MAST4: variants seen among roughly 807,000 people sequenced by gnomAD.
MAST4 encodes microtubule-associated serine/threonine-protein kinase 4.
A neutral mutation model predicts 162.7 loss-of-function variants in MAST4; 89 were observed. The observed-to-expected ratio is 0.55, with a 90% CI of 0.46 to 0.65. The LOEUF (loss-of-function observed/expected upper bound fraction) is 0.65, where lower values mean the gene tolerates loss of function less well. Ranked by LOEUF, MAST4 falls within the 30% of genes least tolerant of loss-of-function variation. The pLI, the probability that MAST4 is intolerant of heterozygous loss-of-function variation, is 0.00. For synonymous variants in MAST4, 1,479 were observed against 1,361.1 expected (o/e 1.09, Z -1.91); for missense variants, 3,153 against 3,374.0 (o/e 0.93, Z 1.62).
At chr5:67,147,544 A>T (rs1033684600) in intron 23 of MAST4, among the ~76,000 whole-genome samples, 1 of 152,212 alleles carries the variant, frequency 6.6e-6, no homozygotes, top group Non-Finnish European at 1.5e-5. Flanking sequence ...TTGTGTTTGA[A>T]GCCATGAAAA....
At chr5:67,100,664 G>A (rs1047849736) in intron 8 of MAST4, 72 bp downstream of exon 8, 35 of 1,557,336 alleles carry the variant, frequency 2.2e-5, no homozygotes, top group East Asian at 1.3e-4. Context: ...TGAACACTTC[G>A]GTCCTTTAGG....
At chr5:66,993,784 A>G (rs183852357) in intron 4 of MAST4, among the ~76,000 whole-genome samples, 1 of 152,338 alleles carries the variant, frequency 6.6e-6, no homozygotes, top group East Asian at 1.9e-4. Flanking sequence ...ATTATAGCAT[A>G]AAATATTCCA....
intron 1 of MAST4, among the ~76,000 whole-genome samples, chr5:66,671,964 G>A (rs1747638466): frequency 6.6e-6 from 1 of 152,064 alleles, no homozygotes; most frequent in African/African-American, 2.4e-5. Context: ...TCTTACATTG[G>A]CAAACTATAA....
chr5:67,115,007 C>G (rs1305821704), intron 12 of MAST4: 1 of 143,564 alleles, frequency 7.0e-6, no homozygotes, highest in Non-Finnish European at 1.5e-5. Context: ...GATCGCACCA[C>G]TGCACTCCAG....
chr5:66,766,517 T>C (rs1580401041), intron 2 of MAST4, among the ~76,000 whole-genome samples: 1 of 151,534 alleles, frequency 6.6e-6, no homozygotes, highest in East Asian at 1.9e-4. Flanking sequence ...CATTTTTTAG[T>C]GTTTTTTTTT....
intron 4 of MAST4, among the ~76,000 whole-genome samples, chr5:67,021,304 G>A (rs763280273): frequency 5.3e-5 from 8 of 152,118 alleles, no homozygotes; most frequent in Non-Finnish European, 1.0e-4. Context: ...CATGTTACAG[G>A]AATAGAATTT....
intron 3 of MAST4, among the ~76,000 whole-genome samples, chr5:66,865,585 A>G (rs1760453249): frequency 6.6e-6 from 1 of 152,212 alleles, no homozygotes. Context: ...CACATGTAGT[A>G]TATGTAATAG....
rs1773708392 is a variant in MAST4 at position 67,165,066 on chromosome 5, C to T, written c.5887C>T (p.Pro1963Ser). 1 of 1,602,056 alleles carries T rather than the reference C, an allele frequency of 6.2e-7. No homozygotes were observed. The highest frequency in any genetic ancestry group is 2.3e-5 in the East Asian group (1 of 44,152). ...CTGCCCGCTCCCACCTGAAGCTTCC[C>T]CCTCAAGGGAGAAGCCAGGCCTGAG... Reference protein sequence around the residue: ...PRCPLPPEASPSREKPGLRES... With the variant: ...PRCPLPPEASSSREKPGLRES... The change falls in exon 29 of 29, where the codon CCC (proline) becomes TCC (serine). Residue 1963 changes from proline (P) to serine (S), a missense_variant. Physicochemically the swap from Pro to Ser is moderately conservative, Grantham distance 74. Around this residue, in one of 7 missense-constraint regions of MAST4, gnomAD observed 1,644 missense variants for 1,495.0 expected, o/e 1.10. Transcript: ENST00000403625.
chr5:66,843,219 C>T (rs1468389114), intron 3 of MAST4, among the ~76,000 whole-genome samples: 1 of 152,194 alleles, frequency 6.6e-6, no homozygotes, highest in Admixed American at 6.5e-5. Context: ...TGTCAAAGCA[C>T]ATTTTCTTTG....
intron 1 of MAST4, among the ~76,000 whole-genome samples, chr5:66,744,499 G>A (rs1752642370): frequency 6.6e-6 from 1 of 152,198 alleles, no homozygotes; most frequent in Non-Finnish European, 1.5e-5. Flanking sequence ...ACCTGAGTGA[G>A]TAATTTATAA....
rs1423098231 is a variant in MAST4 at position 67,119,405 on chromosome 5, GAACC to G, written c.1659+658_1659+661del. 4.6e-5 allele frequency among the ~76,000 whole-genome samples: 7 copies of G among 152,244 alleles called. No homozygotes were observed. In the South Asian group the frequency reaches 8.3e-4, roughly 18 times the overall value. On this transcript the variant is annotated intron_variant, in intron 13 of 28. Transcript: ENST00000403625. ...TCCTCAATTGTGAACACCAAAAGAG[GAACC>G]AGGATGCATCAGAGTAGGGGTTAGG...
rs779542474 is a variant in MAST4 at position 67,149,512 on chromosome 5, G to C, written c.3218G>C (p.Ser1073Thr). ...ASHMARQRLE[S>T]TEKKKISGKV... Reference sequence around the variant, plus strand: ...CACATGGCTCGGCAGCGATTAGAAAGCACAGAAAAAAAGAAAATCTCGGGG... The same window carrying C: ...CACATGGCTCGGCAGCGATTAGAAACCACAGAAAAAAAGAAAATCTCGGGG... Residue 1073 changes from serine to threonine, a missense_variant, in exon 24 of 29, where the codon AGC becomes ACC. Transcript: ENST00000403625. 28 of 1,613,726 alleles carry C rather than the reference G, an allele frequency of 1.7e-5. No homozygotes were observed. Among genetic ancestry groups the C allele is most frequent in the Non-Finnish European group, 2.3e-5 (27 of 1,179,830 alleles).
intron 1 of MAST4, among the ~76,000 whole-genome samples, chr5:66,601,511 T>C (rs1331713578): frequency 6.6e-6 from 1 of 152,098 alleles, no homozygotes; most frequent in Non-Finnish European, 1.5e-5. Flanking sequence ...AGTCACTGAG[T>C]CTGGTGTTAA....
intron 1 of MAST4, among the ~76,000 whole-genome samples, chr5:66,747,337 A>G (rs80203350): frequency 0.025 from 3,770 of 152,248 alleles, 80 homozygotes; most frequent in Non-Finnish European, 0.04. Context: ...TGTTTCTGAA[A>G]CACTTCTTAT....
chr5:66,956,578 C>T (rs1395502086), intron 4 of MAST4, among the ~76,000 whole-genome samples: 1 of 152,174 alleles, frequency 6.6e-6, no homozygotes, highest in East Asian at 1.9e-4. Context: ...TGATTCTTCC[C>T]CTGTATCAGT....
At chr5:66,822,629 C>G (rs956753249) in intron 3 of MAST4, among the ~76,000 whole-genome samples, 11 of 152,166 alleles carry the variant, frequency 7.2e-5, no homozygotes, top group Non-Finnish European at 1.5e-4. Context: ...AGGGGGGTAT[C>G]TCTAGTTTCC....
At chr5:66,798,926 T>G (rs1303402287) in intron 3 of MAST4, among the ~76,000 whole-genome samples, 1 of 152,248 alleles carries the variant, frequency 6.6e-6, no homozygotes. Context: ...TGATGAAGTT[T>G]AGCTTTATAA....
chr5:66,872,551 T>C (rs955009771), intron 3 of MAST4, among the ~76,000 whole-genome samples: 1 of 152,184 alleles, frequency 6.6e-6, no homozygotes, highest in Non-Finnish European at 1.5e-5. Context: ...CATAGCTCTT[T>C]GTCACATTCA....
At chr5:66,831,850 C>G (rs763230815) in intron 3 of MAST4, among the ~76,000 whole-genome samples, 1 of 152,130 alleles carries the variant, frequency 6.6e-6, no homozygotes, top group Non-Finnish European at 1.5e-5. Flanking sequence ...GGGCTTGGGC[C>G]GACCTTGTAC....
Sources: allele counts gnomAD v4.1 joint callset (sites outside exome capture counted in the v4.1 genomes callset), GRCh38; gene constraint gnomAD v4.1.1; regional missense constraint gnomAD v4.1.1; transcripts MANE v1.5; gene names NCBI Gene and HGNC (gene_info 2026-07-23, HGNC 2026-07-21).